The following SGCZ variants were observed in gnomAD, a reference collection of about 807,000 sequenced individuals.
The protein encoded by SGCZ is sarcoglycan zeta.
SGCZ carries 40 observed loss-of-function variants against 41.3 expected under a neutral mutation model. The ratio of observed to expected loss-of-function variants is 0.97; its 90% CI spans 0.75 to 1.26. SGCZ has a LOEUF of 1.26. Among genes scored for constraint, SGCZ ranks in the 50% most tolerant of loss-of-function variants. SGCZ has a pLI of 0.00. For synonymous variants in SGCZ, 206 were observed against 137.5 expected (o/e 1.50, Z -3.49); for missense variants, 552 against 369.8 (o/e 1.49, Z -4.04).
At chr8:15,051,087 T>C (rs1804497010) in intron 1 of SGCZ, among the ~76,000 whole-genome samples, 1 of 152,172 alleles carries the variant, frequency 6.6e-6, no homozygotes, top group Non-Finnish European at 1.5e-5. Context: ...GATGATTTAT[T>C]CTGAAATCAA....
chr8:15,110,587 T>C (rs933066988), intron 1 of SGCZ, among the ~76,000 whole-genome samples: 4 of 152,206 alleles, frequency 2.6e-5, no homozygotes, highest in Non-Finnish European at 5.9e-5. Flanking sequence ...CATATCACAA[T>C]TCACATGATG....
chr8:15,205,821 A>C (rs1424317678), intron 1 of SGCZ, among the ~76,000 whole-genome samples: 1 of 152,216 alleles, frequency 6.6e-6, no homozygotes, highest in Admixed American at 6.5e-5. Flanking sequence ...ACAAATGTTC[A>C]TTTCAGCATT....
chr8:14,350,565 G>T (rs1803053319), intron 2 of SGCZ, among the ~76,000 whole-genome samples: 2 of 152,048 alleles, frequency 1.3e-5, no homozygotes, highest in Non-Finnish European at 2.9e-5. Flanking sequence ...TGTGCACCCA[G>T]TGACCGGTAC....
At chr8:14,686,849 C>A (rs1413704656) in intron 1 of SGCZ, among the ~76,000 whole-genome samples, 2 of 152,078 alleles carry the variant, frequency 1.3e-5, no homozygotes, top group Admixed American at 1.3e-4. Context: ...TAAGATGATA[C>A]TGCCACATGG....
intron 5 of SGCZ, among the ~76,000 whole-genome samples, chr8:14,119,927 G>C (rs1052438140): frequency 6.6e-6 from 1 of 152,092 alleles, no homozygotes. Flanking sequence ...TGATTGTGGT[G>C]GATAAACTTT....
At chr8:14,507,337 G>C (rs1405182741) in intron 2 of SGCZ, among the ~76,000 whole-genome samples, 1 of 152,136 alleles carries the variant, frequency 6.6e-6, no homozygotes, top group Non-Finnish European at 1.5e-5. Context: ...GAGAAGCACA[G>C]TTTTGGGGAA....
intron 1 of SGCZ, chr8:14,879,111 G>A (rs1471725789): frequency 1.3e-5 from 2 of 152,134 alleles, no homozygotes; most frequent in East Asian, 1.9e-4. Context: ...GATAGCTTGA[G>A]CTCAGGAATT....
intron 1 of SGCZ, among the ~76,000 whole-genome samples, chr8:15,225,368 T>C (rs1015279102): frequency 6.6e-6 from 1 of 152,052 alleles, no homozygotes. Flanking sequence ...AAGTAGGAAA[T>C]ATATAAGAAA....
intron 1 of SGCZ, among the ~76,000 whole-genome samples, chr8:14,870,612 T>G (rs1804113745): frequency 6.6e-6 from 1 of 152,034 alleles, no homozygotes; most frequent in Non-Finnish European, 1.5e-5. Flanking sequence ...AAAGAGCTTC[T>G]GCACAGCAAA....
chr8:14,469,851 G>A (rs1184506615), intron 2 of SGCZ, among the ~76,000 whole-genome samples: 1 of 152,134 alleles, frequency 6.6e-6, no homozygotes, highest in Admixed American at 6.6e-5. Context: ...CCTAGAGAGG[G>A]CATGGAAGCT....
intron 1 of SGCZ, among the ~76,000 whole-genome samples, chr8:14,606,713 A>C (rs1805761574): frequency 6.6e-6 from 1 of 152,228 alleles, no homozygotes; most frequent in South Asian, 2.1e-4. Context: ...CAGTACATGA[A>C]GTATACAGCA....
chr8:14,311,254 C>T (rs1472508780), intron 3 of SGCZ, among the ~76,000 whole-genome samples: 3 of 152,150 alleles, frequency 2.0e-5, no homozygotes, highest in African/African-American at 7.2e-5. Flanking sequence ...ATGCTCAGTT[C>T]CCAGGCCTGA....
chr8:14,896,757 G>A (rs1349880532), intron 1 of SGCZ, among the ~76,000 whole-genome samples: 2 of 151,946 alleles, frequency 1.3e-5, no homozygotes, highest in South Asian at 2.1e-4. Flanking sequence ...GATTACAGGC[G>A]TGGGCCACCA....
At chr8:14,453,381 T>C (rs1563339471) in intron 2 of SGCZ, among the ~76,000 whole-genome samples, 1 of 152,198 alleles carries the variant, frequency 6.6e-6, no homozygotes, top group Non-Finnish European at 1.5e-5. Flanking sequence ...ATTGAAATAA[T>C]CAATTTCCCA....
chr8:15,216,310 C>G (rs1297471986), intron 1 of SGCZ, among the ~76,000 whole-genome samples: 1 of 148,342 alleles, frequency 6.7e-6, no homozygotes, highest in Non-Finnish European at 1.5e-5. Context: ...AGCTCCGCCT[C>G]CTGGGTTCAC....
At chr8:14,170,828 C>T (rs1357189020) in intron 4 of SGCZ, among the ~76,000 whole-genome samples, 1 of 151,890 alleles carries the variant, frequency 6.6e-6, no homozygotes, top group African/African-American at 2.4e-5. Flanking sequence ...AATGGCATGT[C>T]ACATGCAATG....
intron 1 of SGCZ, among the ~76,000 whole-genome samples, chr8:14,868,795 AG>A (rs1804031514): frequency 6.6e-6 from 1 of 152,176 alleles, no homozygotes. Flanking sequence ...CTACCATCAG[AG>A]AGTACTGCAA....
chr8:14,842,525 G>GA (rs1802960476), intron 1 of SGCZ, among the ~76,000 whole-genome samples: 2 of 151,274 alleles, frequency 1.3e-5, no homozygotes, highest in Admixed American at 1.3e-4. Context: ...AGGAAGGAAA[G>GA]AAAAGCAAAA....
At chr8:14,994,292 T>C (rs1038023849) in intron 1 of SGCZ, among the ~76,000 whole-genome samples, 3 of 151,980 alleles carry the variant, frequency 2.0e-5, no homozygotes, top group Non-Finnish European at 4.4e-5. Context: ...TGCTTTAAGA[T>C]GCATGAGGGG....
Sources: allele counts gnomAD v4.1 joint callset (sites outside exome capture counted in the v4.1 genomes callset), GRCh38; gene constraint gnomAD v4.1.1; transcripts MANE v1.5; gene names NCBI Gene and HGNC (gene_info 2026-07-23, HGNC 2026-07-21).